The following RGS6 variants were observed in gnomAD, a reference collection of about 807,000 sequenced individuals.
The protein encoded by RGS6 is regulator of G protein signaling 6.
In RGS6, 30 loss-of-function variants were observed where a neutral mutation model predicts 78.5. The observed-to-expected ratio is 0.38, with a 90% CI of 0.29 to 0.52. The LOEUF (loss-of-function observed/expected upper bound fraction) is 0.52, where lower values mean the gene tolerates loss of function less well. Ranked by LOEUF, RGS6 falls within the 20% of genes least tolerant of loss-of-function variation. The pLI, the probability that RGS6 is intolerant of heterozygous loss-of-function variation, is 0.85. For missense variants in RGS6, 495 were observed against 609.7 expected, an observed-to-expected ratio of 0.81 and a Z score of 1.98; for synonymous variants, 206 against 206.0, an observed-to-expected ratio of 1.00 and a Z score of 0.00.
intron 4 of RGS6, 68 bp downstream of exon 4, chr14:72,454,646 A>G: frequency 7.6e-7 from 1 of 1,320,206 alleles, no homozygotes; most frequent in East Asian, 2.4e-5. Flanking sequence ...CAAGTTCCAA[A>G]CTAGATTCCC....
At chr14:72,223,186 A>G (rs1002675682) in intron 2 of RGS6, among the ~76,000 whole-genome samples, 1 of 152,260 alleles carries the variant, frequency 6.6e-6, no homozygotes, top group Non-Finnish European at 1.5e-5. Context: ...GCCCTAAAAA[A>G]AGAAAAACTT....
At chr14:72,154,012 T>C (rs921271459) in intron 2 of RGS6, among the ~76,000 whole-genome samples, 1 of 152,130 alleles carries the variant, frequency 6.6e-6, no homozygotes, top group African/African-American at 2.4e-5. Context: ...CTCAACCGCA[T>C]AGGACAGACA....
At position 72,052,199 on chromosome 14, in the gene RGS6, T is replaced by C. The variant is rs192737922; in HGVS notation, c.84+87324T>C. ...TATCCCCCCAAAAAGCCTCCTGGTA[T>C]ATACCTTTTAGTCAAATAGCATTGT... On this transcript the variant is annotated intron_variant, in intron 2 of 17. Transcript: ENST00000553525. Among the ~76,000 whole-genome samples, 296 of 152,330 alleles carry C rather than the reference T, an allele frequency of 1.9e-3. 5 individuals carry two copies. Among genetic ancestry groups the C allele is most frequent in the African/African-American group, 6.8e-3 (282 of 41,582 alleles).
At chr14:72,015,528 T>C (rs1041145027) in intron 2 of RGS6, among the ~76,000 whole-genome samples, 9 of 152,258 alleles carry the variant, frequency 5.9e-5, no homozygotes, top group Non-Finnish European at 8.8e-5. Flanking sequence ...GCTTTCACCT[T>C]TTTTGTTATT....
intron 1 of RGS6, among the ~76,000 whole-genome samples, chr14:71,944,258 C>A (rs978082432): frequency 6.6e-6 from 1 of 152,112 alleles, no homozygotes; most frequent in African/African-American, 2.4e-5. Context: ...ATTTGTTAAG[C>A]TTTTTGCAAA....
intron 3 of RGS6, among the ~76,000 whole-genome samples, chr14:72,403,895 G>C (rs115823303): frequency 0.026 from 3,928 of 152,118 alleles, 82 homozygotes; most frequent in Middle Eastern, 0.085. Context: ...TTCCAGAAAG[G>C]GTCAAAAGAG....
chr14:72,502,700 G>T (rs1285935143), intron 13 of RGS6, among the ~76,000 whole-genome samples: 1 of 152,174 alleles, frequency 6.6e-6, no homozygotes, highest in African/African-American at 2.4e-5. Context: ...GGAGGCGGAG[G>T]TTGCAGTGAG....
At chr14:72,571,716 G>A in the RGS6 span, among the ~76,000 whole-genome samples, 1 of 152,286 alleles carries the variant, frequency 6.6e-6, no homozygotes, top group Non-Finnish European at 1.5e-5. Context: ...ACTGTTAGAA[G>A]AAAACATAGA....
At chr14:71,886,692 T>C in the RGS6 span, among the ~76,000 whole-genome samples, 1 of 152,250 alleles carries the variant, frequency 6.6e-6, no homozygotes, top group African/African-American at 2.4e-5. Flanking sequence ...TTGGTTGGTT[T>C]GTTTTGGAGG....
At chr14:72,526,718 G>C (rs1199175062) in intron 15 of RGS6, among the ~76,000 whole-genome samples, 1 of 148,208 alleles carries the variant, frequency 6.7e-6, no homozygotes, top group Non-Finnish European at 1.5e-5. Context: ...ATGATCCCAG[G>C]TTGTTCATCC....
chr14:72,334,403 C>A (rs959345366), intron 2 of RGS6, among the ~76,000 whole-genome samples: 17 of 152,324 alleles, frequency 1.1e-4, no homozygotes, highest in Admixed American at 1.1e-3. Flanking sequence ...GGAGGTTAAG[C>A]CCATAGGGTG....
intron 3 of RGS6, among the ~76,000 whole-genome samples, chr14:72,367,132 A>G (rs1024517095): frequency 6.6e-6 from 1 of 152,150 alleles, no homozygotes; most frequent in African/African-American, 2.4e-5. Context: ...TACCATTGCA[A>G]ACTGTTCCCA....
chr14:72,046,569 C>G (rs892720688), intron 2 of RGS6, among the ~76,000 whole-genome samples: 2 of 151,656 alleles, frequency 1.3e-5, no homozygotes, highest in Non-Finnish European at 2.9e-5. Context: ...CTCCCCATCT[C>G]CTCTTCTTCC....
intron 6 of RGS6, among the ~76,000 whole-genome samples, chr14:72,461,214 C>T (rs1237920764): frequency 1.3e-5 from 2 of 152,166 alleles, no homozygotes; most frequent in African/African-American, 2.4e-5. Flanking sequence ...CATGCAGCAA[C>T]GTGTGCCCTT....
chr14:72,191,115 T>C (rs1309145588), intron 2 of RGS6, among the ~76,000 whole-genome samples: 1 of 152,240 alleles, frequency 6.6e-6, no homozygotes, highest in African/African-American at 2.4e-5. Context: ...AAACTAATAA[T>C]GTGATCCTCT....
chr14:71,963,066 C>T (rs888873321), intron 1 of RGS6, among the ~76,000 whole-genome samples: 2 of 152,098 alleles, frequency 1.3e-5, no homozygotes, highest in African/African-American at 4.8e-5. Context: ...CTTATTTGAC[C>T]CTTACCTGCG....
chr14:72,302,324 C>G (rs922319006), intron 2 of RGS6, among the ~76,000 whole-genome samples: 1 of 152,202 alleles, frequency 6.6e-6, no homozygotes, highest in African/African-American at 2.4e-5. Flanking sequence ...AGCCAAGATT[C>G]GAACCCAAGA....
At chr14:71,886,873 G>A in the RGS6 span, among the ~76,000 whole-genome samples, 7 of 152,174 alleles carry the variant, frequency 4.6e-5, no homozygotes, top group Non-Finnish European at 1.0e-4. Context: ...AAGAGATGCT[G>A]AGAACTGTTG....
chr14:72,241,775 C>T (rs759345282), intron 2 of RGS6, among the ~76,000 whole-genome samples: 1 of 152,072 alleles, frequency 6.6e-6, no homozygotes, highest in Non-Finnish European at 1.5e-5. Context: ...AAATTTTTTG[C>T]CTAAAGGCAT....
Sources: allele counts gnomAD v4.1 joint callset (sites outside exome capture counted in the v4.1 genomes callset), GRCh38; gene constraint gnomAD v4.1.1; transcripts MANE v1.5; gene names NCBI Gene and HGNC (gene_info 2026-07-23, HGNC 2026-07-21).